The following DPP10 variants were observed in gnomAD, a reference collection of about 807,000 sequenced individuals.
DPP10 encodes the protein inactive dipeptidyl peptidase 10.
In DPP10, 33 loss-of-function variants were observed where a neutral mutation model predicts 120.9. That is an observed-to-expected ratio of 0.27 (90% CI 0.21 to 0.37). The LOEUF (loss-of-function observed/expected upper bound fraction) is 0.37. Among genes scored for constraint, DPP10 ranks in the 10% least tolerant of loss-of-function variants. The pLI, the probability that DPP10 is intolerant of heterozygous loss-of-function variation, is 1.00. For missense variants in DPP10, 816 were observed against 942.8 expected, an observed-to-expected ratio of 0.87 and a Z score of 1.76; for synonymous variants, 337 against 326.1, an observed-to-expected ratio of 1.03 and a Z score of -0.36.
chr2:114,952,333 A>G (rs916775101), intron 1 of DPP10, among the ~76,000 whole-genome samples: 6 of 152,188 alleles, frequency 3.9e-5, no homozygotes, highest in Admixed American at 3.9e-4. Flanking sequence ...ATATTCAACA[A>G]TGCTTTCCCA....
Position 115,596,461 on chromosome 2 carries a change from G to A in DPP10, c.441+70489G>A, listed in dbSNP as rs561833185. Among the ~76,000 whole-genome samples, 35 of 152,114 alleles carry A rather than the reference G, an allele frequency of 2.3e-4. 1 individual carries two copies. In the South Asian group the frequency reaches 6.8e-3, roughly 30 times the overall value. Reference sequence around the variant, plus strand: ...ATATTTTAGTAATGAAACATCATATGTGCTTATAAATGTGTATAAACACAC... The same window carrying A: ...ATATTTTAGTAATGAAACATCATATATGCTTATAAATGTGTATAAACACAC... On this transcript the variant is annotated intron_variant, in intron 5 of 25. Coordinates refer to ENST00000410059, the MANE Select transcript of DPP10 (RefSeq NM_020868.6).
At chr2:115,180,893 T>C (rs1468272849) in intron 1 of DPP10, among the ~76,000 whole-genome samples, 2 of 129,806 alleles carry the variant, frequency 1.5e-5, no homozygotes, top group East Asian at 4.7e-4. Context: ...AATGATGCTC[T>C]CTCCCTCCCT....
chr2:115,024,163 T>A (rs1573346107), intron 1 of DPP10, among the ~76,000 whole-genome samples: 3 of 152,122 alleles, frequency 2.0e-5, no homozygotes, highest in African/African-American at 7.2e-5. Flanking sequence ...TTAAAAAAAT[T>A]TTTTTTAGAA....
chr2:115,741,360 A>AT (rs35933415), intron 9 of DPP10, among the ~76,000 whole-genome samples: 148,501 of 151,980 alleles, frequency 0.98, 72,667 homozygotes, highest in Middle Eastern at 1. Flanking sequence ...CACAAAAAAA[A>AT]AATACTAAGA....
At chr2:115,778,948 ACTTTTT>A (rs1198025204) in intron 15 of DPP10, among the ~76,000 whole-genome samples, 6 of 152,138 alleles carry the variant, frequency 3.9e-5, no homozygotes, top group Non-Finnish European at 8.8e-5. Flanking sequence ...AGTACTGGTC[ACTTTTT>A]CTTTTGGTGA....
At chr2:115,197,573 A>C (rs2055374711) in intron 1 of DPP10, among the ~76,000 whole-genome samples, 1 of 152,142 alleles carries the variant, frequency 6.6e-6, no homozygotes, top group Non-Finnish European at 1.5e-5. Flanking sequence ...TCCAAATTCA[A>C]GTTTTAGGGT....
chr2:115,323,040 T>G (rs1307222996), intron 2 of DPP10, among the ~76,000 whole-genome samples: 1 of 152,188 alleles, frequency 6.6e-6, no homozygotes, highest in African/African-American at 2.4e-5. Flanking sequence ...AAATAAAGTT[T>G]GCCACATTAA....
chr2:115,762,501 TA>T lies in DPP10; in HGVS notation c.1075-65del, dbSNP rs1253592655. ...GGAAAAAAAACTGATAACCGTGTTT[TA>T]AAAAAGTTAAATTTATATATGCTCA... On this transcript the variant is annotated intron_variant, in intron 11 of 25. Transcript: ENST00000410059. 7.9e-5 allele frequency: 125 copies of T among 1,573,302 alleles called. No homozygotes were observed. In the East Asian group the frequency reaches 2.7e-3, roughly 34 times the overall value.
At chr2:114,874,877 T>C (rs1382469274) in intron 1 of DPP10, among the ~76,000 whole-genome samples, 1 of 152,112 alleles carries the variant, frequency 6.6e-6, no homozygotes, top group Non-Finnish European at 1.5e-5. Flanking sequence ...CTTGGACATT[T>C]TGTATTTAGC....
At chr2:115,437,934 A>T (rs569700479) in intron 3 of DPP10, among the ~76,000 whole-genome samples, 1 of 152,260 alleles carries the variant, frequency 6.6e-6, no homozygotes, top group African/African-American at 2.4e-5. Flanking sequence ...TGTGCCACAT[A>T]TTGCCAAACA....
chr2:115,336,855 G>C (rs1228369175), intron 2 of DPP10, among the ~76,000 whole-genome samples: 1 of 151,838 alleles, frequency 6.6e-6, no homozygotes, highest in African/African-American at 2.4e-5. Context: ...CCTTCTCGTT[G>C]TTCAGTGTGA....
chr2:115,711,790 A>T (rs1454015254), intron 7 of DPP10, among the ~76,000 whole-genome samples: 1 of 152,144 alleles, frequency 6.6e-6, no homozygotes, highest in Non-Finnish European at 1.5e-5. Flanking sequence ...TGAAAGCTGT[A>T]AAAATAATTG....
intron 1 of DPP10, among the ~76,000 whole-genome samples, chr2:115,174,980 G>C (rs2053598074): frequency 6.6e-6 from 1 of 152,300 alleles, no homozygotes; most frequent in Admixed American, 6.5e-5. Context: ...TGGAGAAGAT[G>C]AGATAGGATA....
intron 3 of DPP10, among the ~76,000 whole-genome samples, chr2:115,436,906 C>G (rs1050580322): frequency 2.0e-5 from 3 of 151,854 alleles, no homozygotes; most frequent in African/African-American, 7.3e-5. Flanking sequence ...AATTAATATT[C>G]TAGCCTACCA....
At position 115,600,803 on chromosome 2, in the gene DPP10, G is replaced by C. The variant is rs369384791; in HGVS notation, c.441+74831G>C. On this transcript the variant is annotated intron_variant, in intron 5 of 25. Coordinates refer to ENST00000410059, the MANE Select transcript of DPP10 (RefSeq NM_020868.6). ...GGGGAAACTTCAGTTGAATATTTCTGTTTGATTAATAATCTATCAGCAGAT... is the reference window on the plus strand; with the variant it reads ...GGGGAAACTTCAGTTGAATATTTCTCTTTGATTAATAATCTATCAGCAGAT... Among the ~76,000 whole-genome samples, 21 of 152,298 alleles carry C rather than the reference G, an allele frequency of 1.4e-4. No homozygotes were observed. The South Asian group carries it at 4.1e-3, about 30-fold the overall frequency.
intron 19 of DPP10, among the ~76,000 whole-genome samples, chr2:115,810,528 T>C (rs1235011452): frequency 4.6e-5 from 7 of 152,140 alleles, no homozygotes; most frequent in Admixed American, 4.6e-4. Flanking sequence ...CTATATTTTA[T>C]TATATTGTGA....
At position 114,470,169 on chromosome 2, in the gene DPP10, G is replaced by T. The variant is rs866727779; in HGVS notation, c.60+27331G>T. ...TTTGAGCTGACAGCAGCACAGAACC[G>T]TCAAAACCATTGCTGTGTTGTCTCC... On this transcript the variant is annotated intron_variant, in intron 1 of 25. Coordinates refer to ENST00000410059, the MANE Select transcript of DPP10 (RefSeq NM_020868.6). Among the ~76,000 whole-genome samples, 3 of 152,188 alleles carry T rather than the reference G, an allele frequency of 2.0e-5. No homozygotes were observed. In the East Asian group the frequency reaches 5.8e-4, roughly 29 times the overall value.
intron 1 of DPP10, among the ~76,000 whole-genome samples, chr2:114,528,399 T>A (rs1685684890): frequency 6.6e-6 from 1 of 152,146 alleles, no homozygotes; most frequent in Non-Finnish European, 1.5e-5. Context: ...ACACTGTTAC[T>A]GCAGGGTCTA....
chr2:114,476,752 C>T (rs1369178909), intron 1 of DPP10, among the ~76,000 whole-genome samples: 1 of 152,026 alleles, frequency 6.6e-6, no homozygotes, highest in East Asian at 1.9e-4. Flanking sequence ...GTTTAGCAAT[C>T]ATACAGAAAT....
Sources: gnomAD v4.1 joint callset for allele counts (sites outside exome capture counted in the v4.1 genomes callset) on GRCh38, gnomAD v4.1.1 for gene constraint, MANE v1.5 for transcripts, NCBI Gene and HGNC (gene_info 2026-07-23, HGNC 2026-07-21) for gene names.